The following PTPRM variants were observed in gnomAD, a reference collection of about 807,000 sequenced individuals.
The protein encoded by PTPRM is protein tyrosine phosphatase receptor type M, also known as receptor-type tyrosine-protein phosphatase mu.
In PTPRM, 47 loss-of-function variants were observed where a neutral mutation model predicts 186.7. The ratio of observed to expected loss-of-function variants is 0.25; its 90% CI spans 0.20 to 0.32. The LOEUF (loss-of-function observed/expected upper bound fraction) is 0.32. Among genes scored for constraint, PTPRM ranks in the 10% least tolerant of loss-of-function variants. The pLI is 1.00. For synonymous variants in PTPRM, 668 were observed against 674.9 expected, an observed-to-expected ratio of 0.99 and a Z score of 0.16; for missense variants, 1,494 against 1,865.0, an observed-to-expected ratio of 0.80 and a Z score of 3.66.
At chr18:8,183,636 T>C (rs1446377809) in intron 14 of PTPRM, among the ~76,000 whole-genome samples, 1 of 151,874 alleles carries the variant, frequency 6.6e-6, no homozygotes, top group Admixed American at 6.6e-5. Context: ...TGTTAACCAA[T>C]GGGAGGAATA....
chr18:7,626,285 G>A (rs186118141), intron 1 of PTPRM, among the ~76,000 whole-genome samples: 5 of 152,288 alleles, frequency 3.3e-5, no homozygotes, highest in Non-Finnish European at 2.9e-5. Context: ...ATGCACTCGC[G>A]TTTGGCAAAG....
At chr18:7,607,848 C>T (rs962833156) in intron 1 of PTPRM, among the ~76,000 whole-genome samples, 1 of 152,242 alleles carries the variant, frequency 6.6e-6, no homozygotes, top group African/African-American at 2.4e-5. Flanking sequence ...ACACTGAACA[C>T]GATTTCCTTT....
intron 11 of PTPRM, among the ~76,000 whole-genome samples, chr18:8,095,723 A>G (rs1185571116): frequency 1.3e-5 from 2 of 152,180 alleles, no homozygotes; most frequent in Admixed American, 6.6e-5. Flanking sequence ...CATAAATGCC[A>G]GATGCTGATT....
chr18:8,137,851 C>A (rs1293294038), intron 13 of PTPRM, among the ~76,000 whole-genome samples: 1 of 152,064 alleles, frequency 6.6e-6, no homozygotes, highest in East Asian at 1.9e-4. Context: ...CTCATCCCCT[C>A]CACTCTTCCC....
chr18:7,675,896 A>G (rs532659616), intron 1 of PTPRM, among the ~76,000 whole-genome samples: 40 of 151,898 alleles, frequency 2.6e-4, no homozygotes, highest in Non-Finnish European at 4.4e-4. Context: ...CACCACACTT[A>G]GCTAATCTTT....
intron 7 of PTPRM, among the ~76,000 whole-genome samples, chr18:7,997,446 G>C (rs2083605170): frequency 6.6e-6 from 1 of 152,140 alleles, no homozygotes; most frequent in Admixed American, 6.6e-5. Context: ...AAATGTAGGA[G>C]AATTGATTTG....
At chr18:8,387,566 T>C (rs1304860275) in intron 31 of PTPRM, among the ~76,000 whole-genome samples, 2 of 151,502 alleles carry the variant, frequency 1.3e-5, no homozygotes, top group Admixed American at 6.5e-5. Context: ...TTTTCTGAGC[T>C]GGGTCTTCAA....
intron 1 of PTPRM, among the ~76,000 whole-genome samples, chr18:7,689,289 T>C (rs765567641): frequency 1.3e-5 from 2 of 152,232 alleles, no homozygotes; most frequent in African/African-American, 2.4e-5. Flanking sequence ...TAGAAGTCCC[T>C]GAGTTCTAGG....
chr18:8,093,372 G>A (rs1190950538), intron 11 of PTPRM, among the ~76,000 whole-genome samples: 1 of 152,100 alleles, frequency 6.6e-6, no homozygotes, highest in Non-Finnish European at 1.5e-5. Context: ...TGCCTTAGCA[G>A]TAGTTCTCAT....
rs541756123 is a variant in PTPRM at position 7,650,922 on chromosome 18, A to G, written c.73+83031A>G. Among the ~76,000 whole-genome samples the G allele has an allele frequency of 4.1e-5, 6 of 148,108 alleles. No homozygotes were observed. In the South Asian group the frequency reaches 1.3e-3, roughly 32 times the overall value. Reference sequence around the variant, plus strand: ...AGTTATAAAATTAGACAATAAGATAAGAGAAATATCTTTTTTTTTTTTTTT... The same window carrying G: ...AGTTATAAAATTAGACAATAAGATAGGAGAAATATCTTTTTTTTTTTTTTT... On this transcript the variant is annotated intron_variant, in intron 1 of 32. Transcript: ENST00000580170.
At chr18:8,199,537 T>C (rs1291012080) in intron 14 of PTPRM, among the ~76,000 whole-genome samples, 1 of 152,148 alleles carries the variant, frequency 6.6e-6, no homozygotes, top group African/African-American at 2.4e-5. Context: ...TAACAAAAGA[T>C]AGGGAATGCT....
chr18:7,676,368 C>T (rs932622929), intron 1 of PTPRM, among the ~76,000 whole-genome samples: 15 of 152,150 alleles, frequency 9.9e-5, no homozygotes, highest in African/African-American at 2.4e-4. Context: ...GTAACCTTCT[C>T]TTCTTCTAGG....
At chr18:7,845,579 A>G (rs1048409732) in intron 2 of PTPRM, among the ~76,000 whole-genome samples, 2 of 152,216 alleles carry the variant, frequency 1.3e-5, no homozygotes, top group African/African-American at 4.8e-5. Context: ...AGGACAAATG[A>G]AACAGTCTGA....
At chr18:7,994,461 C>T (rs918000495) in intron 7 of PTPRM, among the ~76,000 whole-genome samples, 20 of 152,102 alleles carry the variant, frequency 1.3e-4, no homozygotes, top group African/African-American at 4.8e-4. Context: ...ACTTAAACTA[C>T]CCTACAGACC....
At chr18:8,104,474 T>TTGC (rs1427083610) in intron 11 of PTPRM, among the ~76,000 whole-genome samples, 3 of 152,206 alleles carry the variant, frequency 2.0e-5, no homozygotes, top group African/African-American at 7.2e-5. Context: ...TGGGGGAATC[T>TTGC]TGCTCCATTG....
At chr18:7,771,150 C>T (rs778134737) in intron 1 of PTPRM, among the ~76,000 whole-genome samples, 3 of 152,090 alleles carry the variant, frequency 2.0e-5, no homozygotes, top group Admixed American at 6.5e-5. Context: ...TTTTGTAAAC[C>T]GGGTCTGTAG....
chr18:8,065,572 G>A (rs1048724574), intron 7 of PTPRM, among the ~76,000 whole-genome samples: 2 of 152,080 alleles, frequency 1.3e-5, no homozygotes, highest in African/African-American at 4.8e-5. Flanking sequence ...ATGCCAACGG[G>A]GCCTGTCATG....
At chr18:7,743,568 G>A (rs549018949) in intron 1 of PTPRM, among the ~76,000 whole-genome samples, 123 of 152,156 alleles carry the variant, frequency 8.1e-4, no homozygotes, top group African/African-American at 2.8e-3. Flanking sequence ...CTAAAACCTG[G>A]TATTTTAATA....
intron 1 of PTPRM, among the ~76,000 whole-genome samples, chr18:7,765,166 C>T (rs1207911374): frequency 2.0e-5 from 3 of 152,174 alleles, no homozygotes; most frequent in Non-Finnish European, 4.4e-5. Flanking sequence ...TGTCGCAACT[C>T]AGCCTTTTAA....
Sources: gnomAD v4.1 joint callset for allele counts (sites outside exome capture counted in the v4.1 genomes callset) on GRCh38, gnomAD v4.1.1 for gene constraint, MANE v1.5 for transcripts, NCBI Gene and HGNC (gene_info 2026-07-23, HGNC 2026-07-21) for gene names.